Variants in PTPRJ observed in about 807,000 individuals in gnomAD.
PTPRJ encodes the protein protein tyrosine phosphatase receptor type J.
A neutral mutation model predicts 141.3 loss-of-function variants in PTPRJ; 129 were observed. The ratio of observed to expected loss-of-function variants is 0.91; its 90% CI spans 0.79 to 1.06. The LOEUF is 1.06. PTPRJ is among the 50% of genes least tolerant of loss of function. The pLI is 0.00. For synonymous variants in PTPRJ, 610 were observed against 640.5 expected (o/e 0.95, Z 0.72); for missense variants, 1,601 against 1,679.7 (o/e 0.95, Z 0.82).
chr11:48,134,570 G>A (rs577689325), intron 8 of PTPRJ, among the ~76,000 whole-genome samples: 1 of 152,256 alleles, frequency 6.6e-6, no homozygotes, highest in East Asian at 1.9e-4. Flanking sequence ...TAGATAGTAC[G>A]TAAACATGGC....
rs12276310 is a variant in PTPRJ, at chr11:48,145,785, C to G, written c.2911+661C>G. ...TGTTGGCCAGGCTGGTCTCGAACTC[C>G]TGACCTCAGGTGATCTGCCCACCTC... On this transcript the variant is annotated intron_variant, in intron 14 of 24. Transcript: ENST00000418331. Among the ~76,000 whole-genome samples, 1,491 of 152,178 alleles carry G rather than the reference C, an allele frequency of 9.8e-3. 30 individuals carry two copies. Among genetic ancestry groups the G allele is most frequent in the African/African-American group, 0.034 (1,395 of 41,510 alleles).
chr11:48,138,900 C>T (rs1177524740), intron 10 of PTPRJ, among the ~76,000 whole-genome samples: 1 of 152,102 alleles, frequency 6.6e-6, no homozygotes, highest in Non-Finnish European at 1.5e-5. Context: ...TTTGGGAGGC[C>T]AAGGTGGGTG....
At chr11:48,057,911 CTTTT>C (rs397947207) in intron 1 of PTPRJ, among the ~76,000 whole-genome samples, 7 of 143,650 alleles carry the variant, frequency 4.9e-5, no homozygotes, top group African/African-American at 1.3e-4. Flanking sequence ...GTCTTCCTGC[CTTTT>C]TTTTTTTTTC....
intron 1 of PTPRJ, among the ~76,000 whole-genome samples, chr11:48,043,870 G>GAGCCAGC (rs1854328195): frequency 6.6e-6 from 1 of 152,174 alleles, no homozygotes; most frequent in Admixed American, 6.5e-5. Context: ...GGTTTAAAGG[G>GAGCCAGC]AGCCAGCAGC....
At chr11:48,074,357 A>G (rs1181907454) in intron 1 of PTPRJ, among the ~76,000 whole-genome samples, 2 of 152,224 alleles carry the variant, frequency 1.3e-5, no homozygotes, top group Admixed American at 6.5e-5. Context: ...TAATTTGTGC[A>G]TGGATATATT....
chr11:48,039,508 CAT>C (rs1854220768), intron 1 of PTPRJ, among the ~76,000 whole-genome samples: 1 of 149,402 alleles, frequency 6.7e-6, no homozygotes, highest in Non-Finnish European at 1.5e-5. Flanking sequence ...TGTGTATGCA[CAT>C]GTGTGGCCTT....
At chr11:48,063,414 C>T (rs1854994381) in intron 1 of PTPRJ, among the ~76,000 whole-genome samples, 1 of 152,224 alleles carries the variant, frequency 6.6e-6, no homozygotes, top group Non-Finnish European at 1.5e-5. Flanking sequence ...GGGTTTTGGT[C>T]TCTTTCTCGC....
chr11:48,089,368 T>C (rs1426191310), intron 1 of PTPRJ, among the ~76,000 whole-genome samples: 7 of 152,026 alleles, frequency 4.6e-5, no homozygotes, highest in African/African-American at 1.4e-4. Flanking sequence ...ATACGAAAAC[T>C]ATCCAGGCAT....
intron 14 of PTPRJ, 75 bp from the exon 15 acceptor site, chr11:48,146,801 C>A: frequency 8.4e-7 from 1 of 1,196,428 alleles, no homozygotes; most frequent in Non-Finnish European, 1.3e-6. Context: ...TGTTAGGGTC[C>A]CAGGCCAGTT....
At chr11:48,127,390 C>G (rs1185178780) in intron 6 of PTPRJ, among the ~76,000 whole-genome samples, 1 of 152,212 alleles carries the variant, frequency 6.6e-6, no homozygotes, top group African/African-American at 2.4e-5. Flanking sequence ...CTGCCTCGTC[C>G]TGACTTCTGT....
chr11:48,154,327 ACT>A (rs1857553047), intron 19 of PTPRJ, among the ~76,000 whole-genome samples: 1 of 152,288 alleles, frequency 6.6e-6, no homozygotes, highest in African/African-American at 2.4e-5. Flanking sequence ...GGGGAGTCAC[ACT>A]CTCTGTGTCC....
chr11:48,117,111 G>A (rs967450777), intron 3 of PTPRJ, among the ~76,000 whole-genome samples: 1 of 152,168 alleles, frequency 6.6e-6, no homozygotes, highest in African/African-American at 2.4e-5. Context: ...CAATCAATGG[G>A]TCAGTGAAGA....
At chr11:48,095,985 G>C (rs1855994413) in intron 1 of PTPRJ, among the ~76,000 whole-genome samples, 1 of 152,234 alleles carries the variant, frequency 6.6e-6, no homozygotes, top group African/African-American at 2.4e-5. Flanking sequence ...CACTTCAGGA[G>C]AATTGGTGGC....
At chr11:48,146,396 C>T (rs778115575) in intron 14 of PTPRJ, among the ~76,000 whole-genome samples, 15 of 152,216 alleles carry the variant, frequency 9.9e-5, no homozygotes, top group Admixed American at 3.9e-4. Context: ...GGTTGTTGGG[C>T]GCAGGAAAGA....
chr11:48,164,645 C>T (rs1413264701), intron 24 of PTPRJ, 130 bp downstream of exon 24: 20 of 872,296 alleles, frequency 2.3e-5, no homozygotes, highest in South Asian at 1.3e-4. Flanking sequence ...TGGCTCACTG[C>T]AACCTCTGCC....
chr11:48,054,042 C>T (rs1479328398), intron 1 of PTPRJ, among the ~76,000 whole-genome samples: 1 of 150,864 alleles, frequency 6.6e-6, no homozygotes, highest in Admixed American at 6.6e-5. Flanking sequence ...AAGTAGTTCT[C>T]CTGGCTCAGC....
chr11:48,088,631 G>A (rs139565637), intron 1 of PTPRJ, among the ~76,000 whole-genome samples: 3 of 152,310 alleles, frequency 2.0e-5, no homozygotes, highest in African/African-American at 2.4e-5. Context: ...GCCCTCTATA[G>A]AGGTCATCAC....
chr11:48,039,025 C>T (rs914186860), intron 1 of PTPRJ, among the ~76,000 whole-genome samples: 1 of 151,426 alleles, frequency 6.6e-6, no homozygotes, highest in African/African-American at 2.4e-5. Context: ...TGGCGGGTGC[C>T]TGTAGTCCCA....
chr11:48,090,011 C>T (rs760028401), intron 1 of PTPRJ, among the ~76,000 whole-genome samples: 3 of 152,232 alleles, frequency 2.0e-5, no homozygotes, highest in Admixed American at 1.3e-4. Context: ...GGATGGTCAT[C>T]TCATAGTAGG....
Sources: gnomAD v4.1 joint callset for allele counts (sites outside exome capture counted in the v4.1 genomes callset) on GRCh38, gnomAD v4.1.1 for gene constraint, MANE v1.5 for transcripts, NCBI Gene and HGNC (gene_info 2026-07-23, HGNC 2026-07-21) for gene names.